The following DLG2 variants were observed in gnomAD, a reference collection of about 807,000 sequenced individuals.
DLG2 encodes discs large MAGUK scaffold protein 2, also known as disks large homolog 2.
Under a neutral mutation model 132.5 loss-of-function variants are expected in DLG2, and 45 were observed. That is an observed-to-expected ratio of 0.34 (90% confidence interval 0.27 to 0.44). The LOEUF (loss-of-function observed/expected upper bound fraction) is 0.44. DLG2 is among the 20% of genes least tolerant of loss of function. The pLI is 1.00. For missense variants in DLG2, 1,045 were observed against 1,196.9 expected, an observed-to-expected ratio of 0.87 and a Z score of 1.87; for synonymous variants, 424 against 419.6, an observed-to-expected ratio of 1.01 and a Z score of -0.13.
At chr11:83,461,194 G>GAGAC in intron 27 of DLG2, among the ~76,000 whole-genome samples, 1 of 151,986 alleles carries the variant, frequency 6.6e-6, no homozygotes. Context: ...ATTTTTAGTA[G>GAGAC]AGACGGGGGT....
chr11:85,318,726 AG>A (rs1226428932), intron 3 of DLG2, among the ~76,000 whole-genome samples: 1 of 151,852 alleles, frequency 6.6e-6, no homozygotes, highest in Non-Finnish European at 1.5e-5. Context: ...AGGTAAGGAA[AG>A]ACCATAAGGA....
intron 3 of DLG2, among the ~76,000 whole-genome samples, chr11:85,293,373 T>A (rs1182497405): frequency 6.6e-6 from 1 of 152,138 alleles, no homozygotes; most frequent in Non-Finnish European, 1.5e-5. Flanking sequence ...GAGAACAACC[T>A]GGGCAATATA....
intron 3 of DLG2, among the ~76,000 whole-genome samples, chr11:85,354,129 C>T (rs898831956): frequency 1.3e-5 from 2 of 151,912 alleles, no homozygotes; most frequent in African/African-American, 4.8e-5. Flanking sequence ...TTTCGTGCCC[C>T]ACTACCCTAT....
At chr11:83,942,652 T>C (rs1350441635) in intron 14 of DLG2, among the ~76,000 whole-genome samples, 2 of 152,232 alleles carry the variant, frequency 1.3e-5, no homozygotes, top group Non-Finnish European at 2.9e-5. Context: ...ATGGAAAAGT[T>C]ACCAACATGT....
At chr11:83,658,834 T>C (rs1448737477) in intron 18 of DLG2, among the ~76,000 whole-genome samples, 1 of 152,252 alleles carries the variant, frequency 6.6e-6, no homozygotes, top group Admixed American at 6.5e-5. Flanking sequence ...ATTTACAATG[T>C]ACCAGGAGCT....
At chr11:83,593,612 T>C (rs924898830) in intron 19 of DLG2, among the ~76,000 whole-genome samples, 88 of 150,060 alleles carry the variant, frequency 5.9e-4, no homozygotes, top group African/African-American at 1.8e-3. Context: ...ACCTGCACAA[T>C]GTGCACATGT....
rs192953328 is a variant in DLG2 at position 84,980,399 on chromosome 11, T to G, written c.357+131262A>C. On this transcript the variant is annotated intron_variant, in intron 6 of 27. Transcript: ENST00000376104. The stretch of plus-strand genomic sequence containing the variant: ...TTAGTAACTCTTGCCTGTATGAGGG[T>G]ACTTTCTGAAGCTTAAAACATTGGA... Among the ~76,000 whole-genome samples, 859 of 152,190 alleles carry G rather than the reference T, an allele frequency of 5.6e-3. 5 individuals are homozygous for G. Among genetic ancestry groups the G allele is most frequent in the African/African-American group, 0.019 (788 of 41,546 alleles).
At chr11:83,752,418 A>G (rs1483069231) in intron 18 of DLG2, among the ~76,000 whole-genome samples, 1 of 152,254 alleles carries the variant, frequency 6.6e-6, no homozygotes, top group Non-Finnish European at 1.5e-5. Flanking sequence ...TATGAATCAT[A>G]TAAGCCAAGC....
intron 6 of DLG2, among the ~76,000 whole-genome samples, chr11:84,882,217 GA>G (rs1182678222): frequency 6.6e-6 from 1 of 151,966 alleles, no homozygotes; most frequent in Non-Finnish European, 1.5e-5. Context: ...CAAACTTTCT[GA>G]AGGAAATGTA....
intron 17 of DLG2, among the ~76,000 whole-genome samples, chr11:83,817,521 A>G (rs1277772897): frequency 6.6e-6 from 1 of 152,174 alleles, no homozygotes; most frequent in African/African-American, 2.4e-5. Flanking sequence ...TGGACTCTGA[A>G]AAAAGTATGA....
chr11:84,819,062 C>T (rs1266993633), intron 6 of DLG2, among the ~76,000 whole-genome samples: 1 of 130,440 alleles, frequency 7.7e-6, no homozygotes, highest in African/African-American at 2.8e-5. Context: ...GGCCCACACT[C>T]CCTCACTCAC....
At chr11:83,798,025 T>C (rs2043298132) in intron 17 of DLG2, among the ~76,000 whole-genome samples, 1 of 152,238 alleles carries the variant, frequency 6.6e-6, no homozygotes, top group Admixed American at 6.5e-5. Context: ...CATGTGCTTA[T>C]GGCCAGCCTG....
chr11:84,530,579 C>G, intron 7 of DLG2, among the ~76,000 whole-genome samples: 1 of 152,192 alleles, frequency 6.6e-6, no homozygotes, highest in Middle Eastern at 3.4e-3. Context: ...AAAGAGATAC[C>G]GTCTTACACC....
chr11:84,617,262 G>T (rs578164074), intron 6 of DLG2, among the ~76,000 whole-genome samples: 5 of 151,428 alleles, frequency 3.3e-5, no homozygotes, highest in African/African-American at 1.2e-4. Context: ...GTGTTAGTTT[G>T]CTGAGAATGA....
At chr11:84,339,906 TA>T (rs1403185497) in intron 7 of DLG2, among the ~76,000 whole-genome samples, 7 of 152,206 alleles carry the variant, frequency 4.6e-5, no homozygotes, top group Non-Finnish European at 8.8e-5. Flanking sequence ...ATGACGACTT[TA>T]ATTTCTTCAG....
chr11:83,524,716 C>G (rs552682519), intron 21 of DLG2, among the ~76,000 whole-genome samples: 2 of 152,158 alleles, frequency 1.3e-5, no homozygotes, highest in Non-Finnish European at 2.9e-5. Flanking sequence ...AAGCTTTGTA[C>G]TTATGCTTTG....
chr11:83,995,565 C>A (rs1020001388), intron 11 of DLG2, among the ~76,000 whole-genome samples: 1 of 152,174 alleles, frequency 6.6e-6, no homozygotes, highest in African/African-American at 2.4e-5. Context: ...CATTCCCTGA[C>A]TTCAAATTAT....
intron 3 of DLG2, among the ~76,000 whole-genome samples, chr11:85,507,910 C>T (rs2093971945): frequency 6.6e-6 from 1 of 152,036 alleles, no homozygotes; most frequent in Non-Finnish European, 1.5e-5. Flanking sequence ...CATTTCTTTT[C>T]ACTCTTTTTT....
At chr11:84,650,478 CA>C (rs935233600) in intron 6 of DLG2, among the ~76,000 whole-genome samples, 2 of 152,068 alleles carry the variant, frequency 1.3e-5, no homozygotes, top group Admixed American at 1.3e-4. Context: ...TTAAAAGGCT[CA>C]AAAAACTTGA....
Sources: allele counts gnomAD v4.1 joint callset (sites outside exome capture counted in the v4.1 genomes callset), GRCh38; gene constraint gnomAD v4.1.1; transcripts MANE v1.5; gene names NCBI Gene and HGNC (gene_info 2026-07-23, HGNC 2026-07-21).